The following OSBP2 variants were observed in gnomAD, a reference collection of about 807,000 sequenced individuals.
OSBP2 encodes the protein oxysterol binding protein 2.
A neutral mutation model predicts 96.0 loss-of-function variants in OSBP2; 66 were observed. That is an observed-to-expected ratio of 0.69 (90% CI 0.56 to 0.84). The LOEUF (loss-of-function observed/expected upper bound fraction) is 0.84. Among genes scored for constraint, OSBP2 ranks in the 40% least tolerant of loss-of-function variants. The pLI is 0.00. For missense variants in OSBP2, 1,038 were observed against 1,222.7 expected (o/e 0.85, Z 2.25); for synonymous variants, 525 against 520.9 (o/e 1.01, Z -0.11).
At chr22:30,804,766 G>C (rs971425341) in intron 2 of OSBP2, among the ~76,000 whole-genome samples, 1 of 152,060 alleles carries the variant, frequency 6.6e-6, no homozygotes, top group Non-Finnish European at 1.5e-5. Flanking sequence ...TTATATTTTG[G>C]CCAGATGAAT....
chr22:30,753,181 A>G (rs2090098706), intron 2 of OSBP2, among the ~76,000 whole-genome samples: 2 of 152,050 alleles, frequency 1.3e-5, no homozygotes, highest in Admixed American at 1.3e-4. Context: ...CTGTGGTTGG[A>G]AGGGAGATTT....
chr22:30,700,748 C>G (rs77038557), intron 1 of OSBP2, among the ~76,000 whole-genome samples: 2,214 of 152,050 alleles, frequency 0.015, 51 homozygotes, highest in African/African-American at 0.05. Flanking sequence ...AGAAATTAGC[C>G]TAGGTCTATA....
At chr22:30,895,241 G>GGAATCCCA (rs1319571481) in intron 12 of OSBP2, among the ~76,000 whole-genome samples, 1 of 151,834 alleles carries the variant, frequency 6.6e-6, no homozygotes, top group East Asian at 1.9e-4. Flanking sequence ...CCATTTAGCT[G>GGAATCCCA]GAATCCCAGA....
At chr22:30,851,620 G>A (rs1011576073) in intron 2 of OSBP2, among the ~76,000 whole-genome samples, 1 of 152,044 alleles carries the variant, frequency 6.6e-6, no homozygotes, top group African/African-American at 2.4e-5. Context: ...AACTTCTAAT[G>A]TAATGTTGAG....
intron 2 of OSBP2, among the ~76,000 whole-genome samples, chr22:30,799,076 C>CCTTT (rs1385934499): frequency 4.8e-5 from 7 of 147,144 alleles, no homozygotes; most frequent in Admixed American, 2.0e-4. Flanking sequence ...TTCCTTCCTT[C>CCTTT]CTTCCTTCCT....
intron 2 of OSBP2, among the ~76,000 whole-genome samples, chr22:30,835,583 A>G (rs1432882530): frequency 1.3e-5 from 2 of 152,002 alleles, no homozygotes; most frequent in African/African-American, 4.8e-5. Context: ...GACCTTTTAT[A>G]TTTCTGCCTG....
At chr22:30,729,647 A>ATATATATGTGTGTG (rs975766946) in intron 1 of OSBP2, among the ~76,000 whole-genome samples, 1 of 151,944 alleles carries the variant, frequency 6.6e-6, no homozygotes, top group Non-Finnish European at 1.5e-5. Context: ...CAAAATATAT[A>ATATATATGTGTGTG]TATATATGTG....
rs376706878 is a variant in OSBP2, at chr22:30,743,553, A to T, written c.853+2184A>T. The stretch of plus-strand genomic sequence containing the variant: ...AGAAGGACCTGTGGTCTCAGTTTGT[A>T]TGCCTGTGGGAAGCCACTGTGGCAA... On this transcript the variant is annotated intron_variant, in intron 2 of 13. Coordinates refer to ENST00000332585, the MANE Select transcript of OSBP2 (RefSeq NM_030758.4). Among the ~76,000 whole-genome samples, 3 of 152,210 alleles carry T rather than the reference A, an allele frequency of 2.0e-5. No homozygotes were observed. In the South Asian group the frequency reaches 6.2e-4, roughly 32 times the overall value.
intron 2 of OSBP2, among the ~76,000 whole-genome samples, chr22:30,835,882 TA>T (rs1052239707): frequency 4.6e-5 from 7 of 151,986 alleles, no homozygotes; most frequent in Admixed American, 1.3e-4. Context: ...CACACCTGGC[TA>T]AATTTTTTTT....
At chr22:30,846,149 C>A (rs1405615565) in intron 2 of OSBP2, among the ~76,000 whole-genome samples, 1 of 151,508 alleles carries the variant, frequency 6.6e-6, no homozygotes, top group Non-Finnish European at 1.5e-5. Context: ...TTTATTTTAT[C>A]TTACATTATT....
chr22:30,884,619 G>A (rs1055968829), intron 3 of OSBP2, among the ~76,000 whole-genome samples: 1 of 152,162 alleles, frequency 6.6e-6, no homozygotes, highest in Non-Finnish European at 1.5e-5. Flanking sequence ...TCAAGGAGTG[G>A]CATCCCTGGG....
rs546389421 is a variant in OSBP2, at chr22:30,859,260, T to A, written c.854-11169T>A. On this transcript the variant is annotated intron_variant, in intron 2 of 13. Coordinates refer to ENST00000332585, the MANE Select transcript of OSBP2 (RefSeq NM_030758.4). ...TTTCCAGTGACCTGCTCAACAGTCCTGGCACCGTCCGAGATCAGTGGCTTC... is the reference window on the plus strand; with the variant it reads ...TTTCCAGTGACCTGCTCAACAGTCCAGGCACCGTCCGAGATCAGTGGCTTC... Among the ~76,000 whole-genome samples, 19 of 152,350 alleles carry A rather than the reference T, an allele frequency of 1.2e-4. No individual in the cohort carries two copies. In the East Asian group the frequency reaches 2.9e-3, roughly 23 times the overall value.
At chr22:30,796,844 T>C (rs2090771032) in intron 2 of OSBP2, among the ~76,000 whole-genome samples, 1 of 152,224 alleles carries the variant, frequency 6.6e-6, no homozygotes, top group African/African-American at 2.4e-5. Flanking sequence ...ACACATATCA[T>C]AACGTTTACC....
intron 1 of OSBP2, among the ~76,000 whole-genome samples, chr22:30,733,152 C>A (rs1298404903): frequency 3.3e-5 from 5 of 152,182 alleles, no homozygotes; most frequent in Admixed American, 2.6e-4. Flanking sequence ...TGGGCCATAT[C>A]AAGGAGGGTT....
rs1473854184 is a variant in OSBP2, at chr22:30,902,235, T to C, written c.2376-3602T>C. The C allele has an allele frequency of 3.9e-6, 6 of 1,534,230 alleles. No individual in the cohort carries two copies. In the East Asian group the frequency reaches 1.4e-4, roughly 35 times the overall value. Reference sequence around the variant, plus strand: ...CACAGAGCCCCACACACAGCATATGTAGGGAATCTACCTTTTAATATGGTT... The same window carrying C: ...CACAGAGCCCCACACACAGCATATGCAGGGAATCTACCTTTTAATATGGTT... On this transcript the variant is annotated intron_variant, in intron 12 of 13. Transcript: ENST00000332585.
intron 2 of OSBP2, among the ~76,000 whole-genome samples, chr22:30,819,991 C>A (rs1489761223): frequency 1.3e-5 from 2 of 152,194 alleles, no homozygotes; most frequent in Admixed American, 6.5e-5. Context: ...CTCATAATGC[C>A]TGGTTAAATA....
chr22:30,705,944 G>C (rs2089245594), intron 1 of OSBP2, among the ~76,000 whole-genome samples: 1 of 152,170 alleles, frequency 6.6e-6, no homozygotes, highest in South Asian at 2.1e-4. Context: ...CAAACATGTG[G>C]CTTTCACTTC....
intron 2 of OSBP2, among the ~76,000 whole-genome samples, chr22:30,863,967 T>A (rs2039278316): frequency 6.6e-6 from 1 of 151,944 alleles, no homozygotes; most frequent in African/African-American, 2.4e-5. Flanking sequence ...ATCATGTTTT[T>A]TTTTTGTTGT....
chr22:30,822,419 T>A, intron 2 of OSBP2: 1 of 950,684 alleles, frequency 1.1e-6, no homozygotes. Flanking sequence ...CCGCTCAGGC[T>A]GGGCTCGGCT....
Sources: allele counts gnomAD v4.1 joint callset (sites outside exome capture counted in the v4.1 genomes callset), GRCh38; gene constraint gnomAD v4.1.1; transcripts MANE v1.5; gene names NCBI Gene and HGNC (gene_info 2026-07-23, HGNC 2026-07-21).